The following CNTNAP2 variants were observed in gnomAD, a reference collection of about 807,000 sequenced individuals.
CNTNAP2 encodes the protein contactin associated protein 2.
Under a neutral mutation model 155.2 loss-of-function variants are expected in CNTNAP2, and 98 were observed. The observed-to-expected ratio is 0.63, with a 90% confidence interval of 0.54 to 0.75. CNTNAP2 has a LOEUF of 0.75. Among genes scored for constraint, CNTNAP2 ranks in the 30% least tolerant of loss-of-function variants. The pLI is 0.00. For synonymous variants in CNTNAP2, 651 were observed against 631.2 expected, an observed-to-expected ratio of 1.03 and a Z score of -0.47; for missense variants, 1,727 against 1,688.1, an observed-to-expected ratio of 1.02 and a Z score of -0.40.
intron 4 of CNTNAP2, among the ~76,000 whole-genome samples, chr7:147,045,070 A>G (rs1401661846): frequency 6.6e-6 from 1 of 152,198 alleles, no homozygotes; most frequent in African/African-American, 2.4e-5. Context: ...TGGCTTCAAA[A>G]TATGAATTCC....
chr7:147,475,059 C>G (rs1388659556), intron 10 of CNTNAP2, among the ~76,000 whole-genome samples: 1 of 152,204 alleles, frequency 6.6e-6, no homozygotes, highest in African/African-American at 2.4e-5. Context: ...TATCAGTACA[C>G]ATAGATCTGC....
chr7:147,126,648 T>G (rs1479505854), intron 6 of CNTNAP2, among the ~76,000 whole-genome samples: 1 of 152,074 alleles, frequency 6.6e-6, no homozygotes, highest in East Asian at 1.9e-4. Flanking sequence ...TAATTTTGTA[T>G]TTTTAGTAGA....
intron 3 of CNTNAP2, among the ~76,000 whole-genome samples, chr7:147,042,101 A>G (rs374409759): frequency 4.1e-4 from 62 of 152,322 alleles, no homozygotes; most frequent in African/African-American, 1.5e-3. Context: ...ACAAGATGCA[A>G]TGAGGATGCT....
At chr7:146,264,634 C>T (rs1050299441) in intron 1 of CNTNAP2, among the ~76,000 whole-genome samples, 4 of 151,938 alleles carry the variant, frequency 2.6e-5, no homozygotes, top group Admixed American at 1.3e-4. Context: ...AGAAATAGCA[C>T]GTGGGGTTAT....
intron 1 of CNTNAP2, among the ~76,000 whole-genome samples, chr7:146,402,218 CA>C (rs1342877949): frequency 1.3e-5 from 2 of 152,114 alleles, no homozygotes; most frequent in African/African-American, 4.8e-5. Flanking sequence ...TTCAAATTAC[CA>C]ACTATTTTAT....
At chr7:148,263,053 G>A (rs894194506) in intron 20 of CNTNAP2, 7 of 152,206 alleles carry the variant, frequency 4.6e-5, no homozygotes, top group African/African-American at 1.7e-4. Flanking sequence ...CACAAGGCAG[G>A]CAGGAGTATG....
At chr7:148,002,029 T>G (rs1023161165) in intron 15 of CNTNAP2, among the ~76,000 whole-genome samples, 1 of 152,212 alleles carries the variant, frequency 6.6e-6, no homozygotes, top group Non-Finnish European at 1.5e-5. Context: ...CCTGAAAAAA[T>G]TATTTTGCTA....
intron 12 of CNTNAP2, among the ~76,000 whole-genome samples, chr7:147,608,186 A>G (rs1437457239): frequency 1.4e-5 from 2 of 146,032 alleles, no homozygotes; most frequent in African/African-American, 5.1e-5. Flanking sequence ...CCATAGAATA[A>G]TTATTATCTT....
chr7:147,703,586 A>G (rs1205713028), intron 13 of CNTNAP2, among the ~76,000 whole-genome samples: 2 of 152,190 alleles, frequency 1.3e-5, no homozygotes, highest in Non-Finnish European at 2.9e-5. Context: ...TTGGATACAT[A>G]ATAGCTGTAT....
At chr7:147,650,169 T>C (rs1284838413) in intron 13 of CNTNAP2, among the ~76,000 whole-genome samples, 3 of 152,114 alleles carry the variant, frequency 2.0e-5, no homozygotes, top group African/African-American at 4.8e-5. Context: ...ATAAACCTAA[T>C]CGTAAATTAT....
chr7:147,074,153 T>C (rs1426101119), intron 4 of CNTNAP2, among the ~76,000 whole-genome samples: 2 of 152,134 alleles, frequency 1.3e-5, no homozygotes, highest in Non-Finnish European at 2.9e-5. Flanking sequence ...TGGCAGCCCC[T>C]CAAAACCAAC....
At chr7:146,841,519 C>G (rs1403061226) in intron 3 of CNTNAP2, among the ~76,000 whole-genome samples, 1 of 152,056 alleles carries the variant, frequency 6.6e-6, no homozygotes, top group Non-Finnish European at 1.5e-5. Flanking sequence ...GGTTTCTAAA[C>G]TAAGATCAAA....
intron 18 of CNTNAP2, among the ~76,000 whole-genome samples, chr7:148,176,817 C>G (rs570102327): frequency 1.3e-5 from 2 of 152,252 alleles, no homozygotes; most frequent in South Asian, 2.1e-4. Context: ...TCGGCTGAGG[C>G]TGAGGGGAGA....
chr7:148,085,241 A>G (rs1803701242), intron 15 of CNTNAP2, among the ~76,000 whole-genome samples: 1 of 152,240 alleles, frequency 6.6e-6, no homozygotes, highest in African/African-American at 2.4e-5. Flanking sequence ...CTAAAAATTC[A>G]GTACAAGTCA....
chr7:147,869,221 G>A (rs562905520), intron 13 of CNTNAP2, among the ~76,000 whole-genome samples: 2 of 152,314 alleles, frequency 1.3e-5, no homozygotes, highest in South Asian at 4.1e-4. Flanking sequence ...GTAAATTACT[G>A]TGTATATGAC....
At chr7:146,860,546 T>G (rs1223375862) in intron 3 of CNTNAP2, among the ~76,000 whole-genome samples, 1 of 152,098 alleles carries the variant, frequency 6.6e-6, no homozygotes, top group African/African-American at 2.4e-5. Flanking sequence ...GTACACAAAC[T>G]AGATAGGGAC....
At chr7:147,259,893 G>T (rs544269848) in intron 8 of CNTNAP2, among the ~76,000 whole-genome samples, 2 of 152,084 alleles carry the variant, frequency 1.3e-5, no homozygotes, top group Non-Finnish European at 2.9e-5. Context: ...GGTTATATAG[G>T]TTATCTCCCT....
At chr7:146,551,929 A>G (rs1798128712) in intron 1 of CNTNAP2, among the ~76,000 whole-genome samples, 1 of 152,098 alleles carries the variant, frequency 6.6e-6, no homozygotes, top group Non-Finnish European at 1.5e-5. Context: ...TAATCATTTT[A>G]ATGTATGTGA....
intron 1 of CNTNAP2, among the ~76,000 whole-genome samples, chr7:146,652,418 T>A (rs1799931095): frequency 6.6e-6 from 1 of 152,154 alleles, no homozygotes; most frequent in African/African-American, 2.4e-5. Context: ...ACCAAACTGC[T>A]TTCAGAATTG....
Sources: gnomAD v4.1 joint callset for allele counts (sites outside exome capture counted in the v4.1 genomes callset) on GRCh38, gnomAD v4.1.1 for gene constraint, MANE v1.5 for transcripts, NCBI Gene and HGNC (gene_info 2026-07-23, HGNC 2026-07-21) for gene names.